Variants in PLAC8L1 observed in about 807,000 individuals in gnomAD.
PLAC8L1 encodes PLAC8 like 1, also known as PLAC8-like protein 1.
A neutral mutation model predicts 16.3 loss-of-function variants in PLAC8L1; 13 were observed. The observed-to-expected ratio is 0.80, with a 90% CI of 0.52 to 1.27. The LOEUF (loss-of-function observed/expected upper bound fraction) is 1.27. Ranked by LOEUF, PLAC8L1 falls within the 50% of genes most tolerant of loss-of-function variation. The pLI is 0.00. For synonymous variants in PLAC8L1, 78 were observed against 79.3 expected (o/e 0.98, Z 0.09); for missense variants, 184 against 220.2 (o/e 0.84, Z 1.04).
At chr5:146,091,905 T>C (rs142410419) in intron 2 of PLAC8L1, among the ~76,000 whole-genome samples, 2 of 152,090 alleles carry the variant, frequency 1.3e-5, no homozygotes, top group Admixed American at 1.3e-4. Flanking sequence ...AAAAATTTTG[T>C]CTTTTTTTTT....
chr5:146,101,626 C>T (rs1763819230), intron 1 of PLAC8L1, among the ~76,000 whole-genome samples: 2 of 152,180 alleles, frequency 1.3e-5, no homozygotes, highest in African/African-American at 4.8e-5. Context: ...CAAATAGATT[C>T]TCTTGTCTCT....
chr5:146,090,573 A>ACAAAT (rs1229216130), intron 2 of PLAC8L1, among the ~76,000 whole-genome samples: 1 of 146,430 alleles, frequency 6.8e-6, no homozygotes, highest in Non-Finnish European at 1.5e-5. Flanking sequence ...ACAAAACAAA[A>ACAAAT]CTCCTGCAAA....
At chr5:146,101,628 C>T (rs567726919) in intron 1 of PLAC8L1, among the ~76,000 whole-genome samples, 1 of 152,282 alleles carries the variant, frequency 6.6e-6, no homozygotes, top group East Asian at 1.9e-4. Context: ...AATAGATTCT[C>T]TTGTCTCTTC....
intron 2 of PLAC8L1, 105 bp downstream of exon 2, chr5:146,098,051 A>G (rs1763744430): frequency 7.6e-7 from 1 of 1,319,784 alleles, no homozygotes; most frequent in Non-Finnish European, 1.0e-6. Flanking sequence ...AGTTATTCTG[A>G]AAACATTTAA....
chr5:146,099,747 ACATT>A (rs1763779646), intron 1 of PLAC8L1, among the ~76,000 whole-genome samples: 15 of 152,050 alleles, frequency 9.9e-5, no homozygotes, highest in South Asian at 2.1e-4. Flanking sequence ...CCAAAGCAGA[ACATT>A]CCTAACTACC....
intron 1 of PLAC8L1, 78 bp downstream of exon 1, chr5:146,104,115 G>C (rs1462177256): frequency 1.2e-5 from 18 of 1,537,666 alleles, no homozygotes; most frequent in Non-Finnish European, 1.6e-5. Context: ...CTTTTCCCTG[G>C]TTCCTTATAA....
intron 2 of PLAC8L1, among the ~76,000 whole-genome samples, chr5:146,087,494 G>T (rs980245886): frequency 5.9e-5 from 9 of 152,206 alleles, no homozygotes; most frequent in Admixed American, 5.2e-4. Context: ...AGCAATGCAT[G>T]ACAGTTATAT....
At chr5:146,093,443 C>T (rs1763656131) in intron 2 of PLAC8L1, among the ~76,000 whole-genome samples, 1 of 152,154 alleles carries the variant, frequency 6.6e-6, no homozygotes, top group Admixed American at 6.6e-5. Context: ...CTCAGAAAGT[C>T]GAGGCTGTCG....
At chr5:146,085,155 C>T (rs939512959) in intron 3 of PLAC8L1, among the ~76,000 whole-genome samples, 31 of 152,204 alleles carry the variant, frequency 2.0e-4, no homozygotes, top group African/African-American at 6.0e-4. Flanking sequence ...TGGTGGCTCA[C>T]ACCTGTAATC....
chr5:146,090,863 C>A (rs1440843085), intron 2 of PLAC8L1, among the ~76,000 whole-genome samples: 1 of 151,908 alleles, frequency 6.6e-6, no homozygotes, highest in Non-Finnish European at 1.5e-5. Context: ...GACCAGCCTG[C>A]CCAACATGGT....
rs543871411 is a variant in PLAC8L1 at position 146,095,470 on chromosome 5, C to G, written c.256+2686G>C. Among the ~76,000 whole-genome samples the G allele has an allele frequency of 3.3e-5, 5 of 152,250 alleles. No homozygotes were observed. The South Asian group carries it at 1.0e-3, about 32-fold the overall frequency. On this transcript the variant is annotated intron_variant, in intron 2 of 3. Coordinates refer to ENST00000311450, the MANE Select transcript of PLAC8L1 (RefSeq NM_001029869.3). ...GGCTGAGGAGTGAGAATTCCTTGAC[C>G]AGCTTTTCTAGGTGCTCTTAGGATT...
rs35143616 is a variant in PLAC8L1, at chr5:146,101,196, C to CAAAAA, written c.120-2909_120-2905dup. Among the ~76,000 whole-genome samples, 115 of 82,168 alleles carry CAAAAA rather than the reference C, an allele frequency of 1.4e-3. 1 individual carries two copies. Among genetic ancestry groups the CAAAAA allele is most frequent in the African/African-American group, 5.9e-3 (110 of 18,596 alleles). 53.9% of individuals were successfully genotyped at this position (82,168 alleles called of 152,430 possible). On this transcript the variant is annotated intron_variant, in intron 1 of 3. Coordinates refer to ENST00000311450, the MANE Select transcript of PLAC8L1 (RefSeq NM_001029869.3). The stretch of plus-strand genomic sequence containing the variant: ...TAGGCAACAGAGCAAGACCCTGTCT[C>CAAAAA]AAAAAAAAAAAAAAAAAAAAAAAAT...
At chr5:146,084,919 G>A (rs1292662712) in intron 3 of PLAC8L1, among the ~76,000 whole-genome samples, 2 of 152,178 alleles carry the variant, frequency 1.3e-5, no homozygotes, top group African/African-American at 4.8e-5. Flanking sequence ...AAATTTCAGT[G>A]TAAGAAGGGA....
At chr5:146,093,412 G>A (rs989490363) in intron 2 of PLAC8L1, among the ~76,000 whole-genome samples, 2 of 152,148 alleles carry the variant, frequency 1.3e-5, no homozygotes, top group African/African-American at 4.8e-5. Flanking sequence ...CAAAGGAAAT[G>A]AGCCCTCCTC....
At chr5:146,102,020 G>GT (rs908407351) in intron 1 of PLAC8L1, among the ~76,000 whole-genome samples, 39 of 135,952 alleles carry the variant, frequency 2.9e-4, no homozygotes, top group African/African-American at 8.6e-4. Flanking sequence ...AAAAGAAAAT[G>GT]TTTTTTTTCT....
At chr5:146,096,598 T>C (rs1763721946) in intron 2 of PLAC8L1, among the ~76,000 whole-genome samples, 1 of 152,220 alleles carries the variant, frequency 6.6e-6, no homozygotes, top group Admixed American at 6.5e-5. Context: ...ATTCACGGTG[T>C]ATATGTGATA....
chr5:146,104,643 T>C lies in PLAC8L1; in HGVS notation c.-332A>G, dbSNP rs1355369145. 4.7e-6 allele frequency: 1 copy of C among 215,050 alleles called. No homozygotes were observed. Among genetic ancestry groups the C allele is most frequent in the African/African-American group, 2.4e-5 (1 of 42,098 alleles). The allele number at this position is 215,050 out of a possible 1,614,324, so 13.3% of individuals were successfully genotyped here. Reference sequence around the variant, plus strand: ...TATCTAGCTAAGTGCCACTTGACCGTTCCTTGGAAGATTCAGAAGGCTGAA... The same window carrying C: ...TATCTAGCTAAGTGCCACTTGACCGCTCCTTGGAAGATTCAGAAGGCTGAA... On this transcript the variant is annotated 5_prime_UTR_variant, in exon 1 of 4. Coordinates refer to ENST00000311450, the MANE Select transcript of PLAC8L1 (RefSeq NM_001029869.3).
intron 2 of PLAC8L1, 68 bp from the exon 3 acceptor site, chr5:146,085,665 A>T: frequency 6.5e-7 from 1 of 1,531,920 alleles, no homozygotes; most frequent in Non-Finnish European, 8.9e-7. Context: ...ATCTCAAAGA[A>T]TATTTACAAC....
Position 146,094,083 on chromosome 5 carries a change from C to CTTTTG in PLAC8L1, c.256+4068_256+4072dup, listed in dbSNP as rs890886704. On this transcript the variant is annotated intron_variant, in intron 2 of 3. Transcript: ENST00000311450. Reference sequence around the variant, plus strand: ...TTTTGTTGTTGTTGTTGTTTTGTTTCTTTTGTTTTGTTTTGTTTTGAGACA... The same window carrying CTTTTG: ...TTTTGTTGTTGTTGTTGTTTTGTTTCTTTTGTTTTGTTTTGTTTTGTTTTGAGACA... 1.2e-4 allele frequency among the ~76,000 whole-genome samples: 18 copies of CTTTTG among 151,992 alleles called. No homozygotes were observed. In the South Asian group the frequency reaches 1.2e-3, roughly 11 times the overall value.
Sources: gnomAD v4.1 joint callset for allele counts (sites outside exome capture counted in the v4.1 genomes callset) on GRCh38, gnomAD v4.1.1 for gene constraint, MANE v1.5 for transcripts, NCBI Gene and HGNC (gene_info 2026-07-23, HGNC 2026-07-21) for gene names.